Variants in NAV3 observed in about 807,000 individuals in gnomAD.
NAV3 encodes the protein neuron navigator 3, also known as pore membrane and/or filament interacting like protein 1.
Under a neutral mutation model 244.7 loss-of-function variants are expected in NAV3, and 87 were observed. That is an observed-to-expected ratio of 0.36 (90% confidence interval 0.30 to 0.42). The LOEUF (loss-of-function observed/expected upper bound fraction) is 0.42, where lower values mean the gene tolerates loss of function less well. NAV3 is among the 20% of genes least tolerant of loss of function. NAV3 has a pLI of 1.00. For missense variants in NAV3, 2,663 were observed against 2,893.3 expected (o/e 0.92, Z 1.83); for synonymous variants, 1,126 against 1,042.2 (o/e 1.08, Z -1.55).
At chr12:77,951,106 G>T (rs1482010454) in intron 3 of NAV3, among the ~76,000 whole-genome samples, 1 of 152,156 alleles carries the variant, frequency 6.6e-6, no homozygotes, top group Non-Finnish European at 1.5e-5. Context: ...CACAGCAAAA[G>T]AAATCTACCA....
intron 2 of NAV3, among the ~76,000 whole-genome samples, chr12:77,802,603 C>G (rs1259937408): frequency 6.6e-6 from 1 of 152,178 alleles, no homozygotes; most frequent in Non-Finnish European, 1.5e-5. Context: ...AAGCCTGTTT[C>G]AGGTAAACTA....
intron 1 of NAV3, among the ~76,000 whole-genome samples, chr12:77,933,737 C>T (rs1889053794): frequency 1.3e-5 from 2 of 152,124 alleles, no homozygotes; most frequent in Non-Finnish European, 2.9e-5. Flanking sequence ...TTCTAGAAGG[C>T]CTACAAGAGT....
At chr12:78,032,054 C>T (rs548489867) in intron 9 of NAV3, among the ~76,000 whole-genome samples, 2 of 152,120 alleles carry the variant, frequency 1.3e-5, no homozygotes, top group East Asian at 1.9e-4. Context: ...AGGCCATTGT[C>T]GGAAATAACT....
intron 2 of NAV3, among the ~76,000 whole-genome samples, chr12:77,586,186 T>A (rs1162665587): frequency 6.6e-6 from 1 of 151,980 alleles, no homozygotes; most frequent in Non-Finnish European, 1.5e-5. Flanking sequence ...AAAATTGCTG[T>A]AAGATTATAA....
At chr12:78,170,338 A>G (rs1199563721) in intron 24 of NAV3, among the ~76,000 whole-genome samples, 1 of 151,724 alleles carries the variant, frequency 6.6e-6, no homozygotes, top group Non-Finnish European at 1.5e-5. Flanking sequence ...TAAATTACCA[A>G]GATCCGTTGA....
chr12:77,665,282 C>G (rs760412931), intron 2 of NAV3, among the ~76,000 whole-genome samples: 16 of 152,284 alleles, frequency 1.1e-4, no homozygotes, highest in Admixed American at 5.9e-4. Flanking sequence ...ATTAAACTCA[C>G]TTCTTTAGGA....
intron 2 of NAV3, among the ~76,000 whole-genome samples, chr12:77,800,256 G>A (rs926094159): frequency 6.6e-6 from 1 of 152,174 alleles, no homozygotes; most frequent in Non-Finnish European, 1.5e-5. Context: ...GTATTTATGG[G>A]TGGGCTTTAG....
chr12:77,749,807 C>T (rs1029425602), intron 2 of NAV3, among the ~76,000 whole-genome samples: 9 of 152,028 alleles, frequency 5.9e-5, no homozygotes, highest in African/African-American at 1.4e-4. Flanking sequence ...AGAGAGTGCT[C>T]GCTGTATATA....
At chr12:78,105,100 A>G (rs1373661671) in intron 12 of NAV3, among the ~76,000 whole-genome samples, 5 of 152,150 alleles carry the variant, frequency 3.3e-5, no homozygotes, top group Admixed American at 1.3e-4. Flanking sequence ...TTTTTTACCA[A>G]TATACATTTA....
At chr12:77,989,492 T>A (rs1333851480) in intron 5 of NAV3, among the ~76,000 whole-genome samples, 2 of 152,114 alleles carry the variant, frequency 1.3e-5, no homozygotes, top group Non-Finnish European at 2.9e-5. Flanking sequence ...CAAAAATAAA[T>A]TGGTCTTCCA....
rs1173869332 is a variant in NAV3, at chr12:78,054,206, A to G, written c.2516+3059A>G. On this transcript the variant is annotated intron_variant, in intron 11 of 39. Coordinates refer to ENST00000397909, the MANE Select transcript of NAV3 (RefSeq NM_001024383.2). ...GACAAAGGAAATATATTTAAAATAC[A>G]TATATAAGAAAAGTACAAACATAGA... is the stretch of plus-strand genomic sequence containing the variant. Among the ~76,000 whole-genome samples the G allele has an allele frequency of 2.6e-5, 4 of 152,194 alleles. No individual in the cohort carries two copies. In the South Asian group the frequency reaches 6.2e-4, roughly 24 times the overall value.
chr12:77,831,354 T>A lies in NAV3; in HGVS notation c.-108T>A. ...TTAGCTTTTTAAAAATCAGGATGAC[T>A]GCTAGTTTTGTTTAAAGTATTTGTT... On this transcript the variant is annotated 5_prime_UTR_variant, in exon 1 of 40. Transcript: ENST00000397909. The A allele has an allele frequency of 8.5e-7, 1 of 1,170,836 alleles. No individual in the cohort carries two copies. The highest frequency in any genetic ancestry group is 1.2e-6 in the Non-Finnish European group (1 of 861,498). The allele number at this position is 1,170,836 out of a possible 1,614,324, so 72.5% of individuals were successfully genotyped here.
At chr12:77,760,892 C>A (rs1374430181) in intron 2 of NAV3, among the ~76,000 whole-genome samples, 1 of 152,044 alleles carries the variant, frequency 6.6e-6, no homozygotes, top group African/African-American at 2.4e-5. Context: ...AACTGAATTT[C>A]TAGAAAATAA....
chr12:78,093,023 T>C (rs1489721821), intron 12 of NAV3, among the ~76,000 whole-genome samples: 1 of 152,206 alleles, frequency 6.6e-6, no homozygotes, highest in Non-Finnish European at 1.5e-5. Context: ...TAATTTTCAT[T>C]TGGTCAAATC....
chr12:77,697,473 A>G (rs1175963449), intron 2 of NAV3, among the ~76,000 whole-genome samples: 2 of 152,208 alleles, frequency 1.3e-5, no homozygotes, highest in Non-Finnish European at 2.9e-5. Context: ...TTTTAAATCT[A>G]TAAAATGAGT....
intron 24 of NAV3, among the ~76,000 whole-genome samples, chr12:78,171,628 CAA>C (rs1436966635): frequency 6.6e-6 from 1 of 151,394 alleles, no homozygotes; most frequent in Non-Finnish European, 1.5e-5. Context: ...TTAATGAACA[CAA>C]AGTGATTCTT....
At position 77,714,270 on chromosome 12, in the gene NAV3, A is replaced by T. The variant is rs901874675; in HGVS notation, c.72+142004A>T. ...TCCAAAATAGCTGCATGAATGGGTAAGAAAGAGAGTTCAAAGCAACTCTAT... is the reference window on the plus strand; with the variant it reads ...TCCAAAATAGCTGCATGAATGGGTATGAAAGAGAGTTCAAAGCAACTCTAT... On this transcript the variant is annotated intron_variant, in intron 2 of 8. Coordinates refer to the NAV3 transcript ENST00000550042. Among the ~76,000 whole-genome samples the T allele has an allele frequency of 5.9e-5, 9 of 152,182 alleles. No individual in the cohort carries two copies. The East Asian group carries it at 1.5e-3, about 26-fold the overall frequency.
chr12:77,724,285 T>G (rs1876777180), intron 2 of NAV3, among the ~76,000 whole-genome samples: 1 of 151,972 alleles, frequency 6.6e-6, no homozygotes, highest in East Asian at 1.9e-4. Context: ...TTTTCTGTAT[T>G]TTTTTCTGAG....
intron 8 of NAV3, among the ~76,000 whole-genome samples, chr12:78,016,140 T>C (rs1876169254): frequency 6.6e-6 from 1 of 152,028 alleles, no homozygotes; most frequent in Non-Finnish European, 1.5e-5. Context: ...ATCCTATTCT[T>C]TTCTTTAAGG....
Sources: allele counts gnomAD v4.1 joint callset (sites outside exome capture counted in the v4.1 genomes callset), GRCh38; gene constraint gnomAD v4.1.1; transcripts MANE v1.5; gene names NCBI Gene and HGNC (gene_info 2026-07-23, HGNC 2026-07-21).